The following ALDH3B1 variants were observed in gnomAD, a reference collection of about 807,000 sequenced individuals.
The protein encoded by ALDH3B1 is aldehyde dehydrogenase family 3 member B1.
In ALDH3B1, 37 loss-of-function variants were observed where a neutral mutation model predicts 46.2. That is an observed-to-expected ratio of 0.80 (90% confidence interval 0.62 to 1.05). The LOEUF is 1.05. Ranked by LOEUF, ALDH3B1 falls within the 50% of genes least tolerant of loss-of-function variation. The pLI is 0.00. For synonymous variants in ALDH3B1, 283 were observed against 281.0 expected, an observed-to-expected ratio of 1.01 and a Z score of -0.07; for missense variants, 603 against 665.5, an observed-to-expected ratio of 0.91 and a Z score of 1.03.
At position 68,021,539 on chromosome 11, in the gene ALDH3B1, C is replaced by T; in HGVS notation, c.617C>T (p.Pro206Leu). ...VMTAAAKHLTPVTLELGGKNP... is the reference protein window; with the variant it reads ...VMTAAAKHLTLVTLELGGKNP... ...ACTGCTGCCGCCAAGCACCTGACAC[C>T]TGTCACCCTGGAGCTGGGGGGCAAG... Residue 206 changes from proline (P) to leucine (L), a missense_variant, in exon 7 of 10, where the codon CCT (proline) becomes CTT (leucine). Pro to Leu is a moderately conservative substitution (Grantham distance 98). Transcript: ENST00000342456. The T allele has an allele frequency of 1.2e-6, 2 of 1,614,086 alleles. No individual in the cohort carries two copies. Among genetic ancestry groups the T allele is most frequent in the Non-Finnish European group, 1.7e-6 (2 of 1,179,988 alleles).
rs750019037 is a variant in ALDH3B1, at chr11:68,018,876, T to C, written c.377T>C (p.Val126Ala). ...YPLNLTLVPL[V>A]GALAAGNCVV... ...CTGAACCTGACGCTGGTGCCCCTCG[T>C]GGGAGCCCTCGCTGCAGGTGAGAGC... The change falls in exon 4 of 10, where the codon GTG becomes GCG. Residue 126 changes from valine (V) to alanine (A), a missense_variant. Transcript: ENST00000342456. 7.1e-6 allele frequency: 11 copies of C among 1,558,568 alleles called. No homozygotes were observed. The East Asian group carries it at 2.7e-4, about 38-fold the overall frequency.
chr11:68,019,142 C>G (rs1857426507), intron 4 of ALDH3B1, 28 bp from the exon 5 acceptor site: 3 of 1,602,182 alleles, frequency 1.9e-6, no homozygotes, highest in Non-Finnish European at 2.6e-6. Context: ...TACGCCTCCT[C>G]CAGCTCTCTC....
At chr11:68,015,500 G>A in intron 2 of ALDH3B1, 41 bp downstream of exon 2, 2 of 1,558,130 alleles carry the variant, frequency 1.3e-6, no homozygotes, top group Non-Finnish European at 1.7e-6. Context: ...CACTGGGGCA[G>A]GGGGGCATGG....
intron 6 of ALDH3B1, among the ~76,000 whole-genome samples, chr11:68,020,059 T>C (rs2286169): frequency 0.24 from 36,472 of 151,934 alleles, 4,569 homozygotes; most frequent in African/African-American, 0.31. Context: ...TACGTGACCC[T>C]GCTGCCCCCC....
At chr11:68,012,825 TGCTCTTCTGG>T (rs1190017356) in intron 1 of ALDH3B1, among the ~76,000 whole-genome samples, 1 of 152,162 alleles carries the variant, frequency 6.6e-6, no homozygotes, top group Non-Finnish European at 1.5e-5. Flanking sequence ...GATAGCCTTC[TGCTCTTCTGG>T]ATTTGGGTTT....
intron 6 of ALDH3B1, among the ~76,000 whole-genome samples, chr11:68,020,395 G>T (rs572342697): frequency 6.6e-6 from 1 of 152,020 alleles, no homozygotes; most frequent in Non-Finnish European, 1.5e-5. Flanking sequence ...CACCACGCCC[G>T]GCTAATTTTT....
At position 68,018,528 on chromosome 11, in the gene ALDH3B1, C is replaced by A; in HGVS notation, c.164C>A (p.Ser55Ter). The change falls in exon 3 of 10, where the codon TCA becomes TAA. Residue 55 changes from serine to a stop codon, truncating the protein, a stop_gained and splice_region_variant. Transcript: ENST00000342456. LOFTEE classifies it high-confidence loss of function. ...CCTGACCCCACCCACTTCCTGCAGT[C>A]AGCCTTCGAGTCGGAGGTGTCTGAG... The part of the protein sequence containing the change: ...HDALAQDLHK[S>*]AFESEVSEVA... The A allele has an allele frequency of 6.4e-7, 1 of 1,566,218 alleles. No homozygotes were observed. Among genetic ancestry groups the A allele is most frequent in the Non-Finnish European group, 8.7e-7 (1 of 1,155,126 alleles).
rs746412171 is a variant in ALDH3B1 at position 68,019,771 on chromosome 11, C to T, written c.537C>T (p.His179=). 14 of 1,614,024 alleles carry T rather than the reference C, an allele frequency of 8.7e-6. No homozygotes were observed. The African/African-American group carries it at 1.7e-4, about 20-fold the overall frequency. Residue 179 remains histidine (H), a synonymous_variant, in exon 6 of 10, where the codon CAC becomes CAT. Transcript: ENST00000342456. ...AGGAGACGGGGCAGCTGCTAGAGCA[C>T]AGGTTCGACTACATCTTCTTCACAG... ...GPQETGQLLE[H]RFDYIFFTGS...
intron 8 of ALDH3B1, chr11:68,024,831 TA>T (rs1185182015): frequency 6.6e-6 from 1 of 152,156 alleles, no homozygotes; most frequent in African/African-American, 2.4e-5. Context: ...CGGACTCAGG[TA>T]TATTTATTTG....
In ALDH3B1 at chr11:68,022,704, G is replaced by C; in HGVS notation, c.1059G>C (p.Glu353Asp). 6.2e-7 allele frequency: 1 copy of C among 1,614,206 alleles called. No individual in the cohort carries two copies. Among genetic ancestry groups the C allele is most frequent in the Non-Finnish European group, 8.5e-7 (1 of 1,180,028 alleles). Residue 353 changes from glutamate (E) to aspartate (D), a missense_variant, in exon 8 of 10, where the codon GAG (glutamate) becomes GAC (aspartate). Coordinates refer to ENST00000342456, the MANE Select transcript of ALDH3B1 (RefSeq NM_000694.4). The stretch of plus-strand genomic sequence containing the variant: ...TGCAGAGCTTGGACGAGGCCATCGA[G>C]TTCATCAACCGGCGGGAGAAGCCCC... ...VNVQSLDEAI[E>D]FINRREKPLA...
rs1316985887 is a variant in ALDH3B1 at position 68,015,283 on chromosome 11, A to G, written c.-1-14A>G. The stretch of plus-strand genomic sequence containing the variant: ...CAGCCCTGGCCACCCAGTTCATGCC[A>G]CCCCATCTGGCAGGATGGACCCCCT... On this transcript the variant is annotated splice_polypyrimidine_tract_variant and intron_variant, in intron 1 of 9. Coordinates refer to ENST00000342456, the MANE Select transcript of ALDH3B1 (RefSeq NM_000694.4). The G allele has an allele frequency of 2.7e-6, 4 of 1,465,444 alleles. No individual in the cohort carries two copies. The South Asian group carries it at 5.7e-5, about 21-fold the overall frequency. 90.8% of individuals were successfully genotyped at this position (1,465,444 alleles called of 1,614,324 possible). A position where few individuals can be genotyped will look rare whatever the true frequency, so the allele number is the denominator to read the frequency against.
At chr11:68,026,688 C>T (rs565360216) in intron 9 of ALDH3B1, among the ~76,000 whole-genome samples, 2 of 152,316 alleles carry the variant, frequency 1.3e-5, no homozygotes, top group Admixed American at 1.3e-4. Context: ...CAGGTGACAT[C>T]TCCCCTTTCT....
intron 8 of ALDH3B1, 34 bp downstream of exon 8, chr11:68,022,795 G>A (rs1293772772): frequency 1.2e-6 from 2 of 1,611,992 alleles, no homozygotes; most frequent in South Asian, 1.1e-5. Flanking sequence ...AGGGTCAGGA[G>A]CCCGCAGTGG....
intron 1 of ALDH3B1, among the ~76,000 whole-genome samples, chr11:68,011,655 G>T (rs1320331921): frequency 6.6e-6 from 1 of 152,174 alleles, no homozygotes; most frequent in East Asian, 1.9e-4. Flanking sequence ...CCTTCTGGCT[G>T]CCCTGATGGG....
Position 68,015,283 on chromosome 11 carries a change from A to C in ALDH3B1, c.-1-14A>C. Reference sequence around the variant, plus strand: ...CAGCCCTGGCCACCCAGTTCATGCCACCCCATCTGGCAGGATGGACCCCCT... The same window carrying C: ...CAGCCCTGGCCACCCAGTTCATGCCCCCCCATCTGGCAGGATGGACCCCCT... On this transcript the variant is annotated splice_polypyrimidine_tract_variant and intron_variant, in intron 1 of 9. Transcript: ENST00000342456. The C allele has an allele frequency of 6.8e-7, 1 of 1,465,444 alleles. No homozygotes were observed. The highest frequency in any genetic ancestry group is 1.4e-5 in the South Asian group (1 of 70,490). The allele number at this position is 1,465,444 out of a possible 1,614,324, so 90.8% of individuals were successfully genotyped here. A position where few individuals can be genotyped will look rare whatever the true frequency, so the allele number is the denominator to read the frequency against.
intron 9 of ALDH3B1, among the ~76,000 whole-genome samples, 161 bp downstream of exon 9, chr11:68,026,269 G>T (rs1004037504): frequency 6.6e-6 from 1 of 152,072 alleles, no homozygotes; most frequent in Non-Finnish European, 1.5e-5. Flanking sequence ...ACCCCAGAGG[G>T]TCTGAGTCCA....
chr11:68,014,967 G>A, intron 1 of ALDH3B1: 1 of 290,998 alleles, frequency 3.4e-6, no homozygotes, highest in Non-Finnish European at 6.4e-6. Flanking sequence ...CGCTCTGCCT[G>A]CCTGCTCACC....
Position 68,018,734 on chromosome 11 carries a change from G to A in ALDH3B1, c.274-39G>A, listed in dbSNP as rs775991118. ...GGGAGCTGGCTGCTGAGGGGCCGGG[G>A]TGCTGAGCACTTAATTTCATCCCCG... On this transcript the variant is annotated intron_variant, in intron 3 of 9. Coordinates refer to ENST00000342456, the MANE Select transcript of ALDH3B1 (RefSeq NM_000694.4). 6.5e-6 allele frequency: 10 copies of A among 1,550,058 alleles called. No individual in the cohort carries two copies. In the South Asian group the frequency reaches 9.5e-5, roughly 15 times the overall value.
rs77469637 is a variant in ALDH3B1, at chr11:68,015,746, G to A, written c.162+287G>A. On this transcript the variant is annotated intron_variant, in intron 2 of 9. Coordinates refer to ENST00000342456, the MANE Select transcript of ALDH3B1 (RefSeq NM_000694.4). ...ATGCCTACGAAGATGACCTTCTATCGGAGACAATAAAACAGCAAATAAATA... is the reference window on the plus strand; with the variant it reads ...ATGCCTACGAAGATGACCTTCTATCAGAGACAATAAAACAGCAAATAAATA... 1,421 of 585,390 alleles carry A rather than the reference G, an allele frequency of 2.4e-3. 17 individuals carry two copies. The highest frequency in any genetic ancestry group is 0.023 in the African/African-American group (1,242 of 54,394). 36.3% of individuals were successfully genotyped at this position (585,390 alleles called of 1,614,324 possible). A position where few individuals can be genotyped will look rare whatever the true frequency, so the allele number is the denominator to read the frequency against.
Sources: allele counts gnomAD v4.1 joint callset (sites outside exome capture counted in the v4.1 genomes callset), GRCh38; gene constraint gnomAD v4.1.1; transcripts MANE v1.5; gene names NCBI Gene and HGNC (gene_info 2026-07-23, HGNC 2026-07-21).